The following B3GALT1 variants were observed in gnomAD, a reference collection of about 807,000 sequenced individuals.
B3GALT1 encodes beta-1,3-galactosyltransferase 1, also known as UDP-Gal:betaGlcNAc beta 1,3-galactosyltransferase, polypeptide 1.
Under a neutral mutation model 23.2 loss-of-function variants are expected in B3GALT1, and 10 were observed. That is an observed-to-expected ratio of 0.43 (90% CI 0.27 to 0.73). The LOEUF (loss-of-function observed/expected upper bound fraction) is 0.73, where lower values mean the gene tolerates loss of function less well. B3GALT1 is among the 30% of genes least tolerant of loss of function. The probability of loss-of-function intolerance (pLI) is 0.21; values close to 1 mark genes in which losing one functional copy is unlikely to be tolerated. For synonymous variants in B3GALT1, 156 were observed against 141.5 expected (o/e 1.10, Z -0.73); for missense variants, 299 against 405.4 (o/e 0.74, Z 2.25).
intron 2 of B3GALT1, among the ~76,000 whole-genome samples, chr2:167,556,118 C>A (rs1391792348): frequency 1.3e-5 from 2 of 152,072 alleles, no homozygotes; most frequent in African/African-American, 4.8e-5. Flanking sequence ...TAAAGCATCA[C>A]ATTTTCAATG....
intron 1 of B3GALT1, among the ~76,000 whole-genome samples, chr2:167,475,680 A>G (rs924682916): frequency 4.6e-5 from 7 of 152,104 alleles, no homozygotes; most frequent in African/African-American, 1.7e-4. Flanking sequence ...ATTAAGATCT[A>G]CTGGGGGTCT....
At chr2:167,747,426 G>A (rs1463606846) in intron 3 of B3GALT1, among the ~76,000 whole-genome samples, 1 of 152,108 alleles carries the variant, frequency 6.6e-6, no homozygotes, top group East Asian at 1.9e-4. Flanking sequence ...GCAGAATTAG[G>A]CTGACAGCAA....
chr2:167,420,411 C>T (rs1698528614), intron 1 of B3GALT1, among the ~76,000 whole-genome samples: 1 of 152,144 alleles, frequency 6.6e-6, no homozygotes, highest in African/African-American at 2.4e-5. Flanking sequence ...TAAAAATAAC[C>T]TGGGAGCTCC....
At chr2:167,585,222 C>CTAA (rs1684567388) in intron 2 of B3GALT1, among the ~76,000 whole-genome samples, 1 of 152,268 alleles carries the variant, frequency 6.6e-6, no homozygotes, top group Admixed American at 6.5e-5. Context: ...AGCTAAAAGG[C>CTAA]TAATCAGAGC....
intron 1 of B3GALT1, among the ~76,000 whole-genome samples, chr2:167,344,756 A>C (rs1697203567): frequency 6.6e-6 from 1 of 152,218 alleles, no homozygotes; most frequent in African/African-American, 2.4e-5. Flanking sequence ...TTTACATCTC[A>C]TCCCATTTGG....
chr2:167,441,540 C>T (rs1476403022), intron 1 of B3GALT1, among the ~76,000 whole-genome samples: 2 of 152,128 alleles, frequency 1.3e-5, no homozygotes, highest in Non-Finnish European at 2.9e-5. Context: ...ACCAATGTTA[C>T]ATGATACTCG....
chr2:167,636,536 A>G (rs1226904), intron 2 of B3GALT1, among the ~76,000 whole-genome samples: 135,574 of 152,118 alleles, frequency 0.89, 61,409 homozygotes, highest in Non-Finnish European at 0.97. Flanking sequence ...ACATGCACAC[A>G]TATGTTTATT....
At chr2:167,517,986 C>T (rs1700129539) in intron 2 of B3GALT1, among the ~76,000 whole-genome samples, 1 of 152,004 alleles carries the variant, frequency 6.6e-6, no homozygotes, top group African/African-American at 2.4e-5. Flanking sequence ...TATCCGTGAA[C>T]TCTCCTTGCC....
intron 4 of B3GALT1, among the ~76,000 whole-genome samples, chr2:167,825,405 CAG>C (rs1000350654): frequency 1.1e-4 from 17 of 149,028 alleles, no homozygotes; most frequent in Admixed American, 9.4e-4. Context: ...CAGGGCTCTC[CAG>C]AGAGAAAGAA....
chr2:167,408,455 A>ACCTCTCCTC (rs1698342574), intron 1 of B3GALT1, among the ~76,000 whole-genome samples: 1 of 152,186 alleles, frequency 6.6e-6, no homozygotes, highest in Non-Finnish European at 1.5e-5. Flanking sequence ...AAAGGAGATG[A>ACCTCTCCTC]ACAGGACAAG....
At chr2:167,708,398 C>G (rs1686996508) in intron 3 of B3GALT1, among the ~76,000 whole-genome samples, 1 of 152,194 alleles carries the variant, frequency 6.6e-6, no homozygotes, top group South Asian at 2.1e-4. Context: ...CGGTAGCTCA[C>G]GCCTGTAATC....
chr2:167,816,447 T>A lies in B3GALT1; in HGVS notation c.-351-2225T>A, dbSNP rs77517190. Among the ~76,000 whole-genome samples the A allele has an allele frequency of 9.0e-3, 1,377 of 152,246 alleles. 27 individuals are homozygous for A. The highest frequency in any genetic ancestry group is 0.032 in the African/African-American group (1,315 of 41,550). ...CTATTTACACATTTTCCACACCTTT[T>A]TTTTTTTGGCCCTGGTTTGGTTATT... On this transcript the variant is annotated intron_variant, in intron 3 of 4. Coordinates refer to ENST00000392690, the MANE Select transcript of B3GALT1 (RefSeq NM_020981.4).
intron 2 of B3GALT1, among the ~76,000 whole-genome samples, chr2:167,588,538 C>A (rs13398335): frequency 0.18 from 27,705 of 151,916 alleles, 2,597 homozygotes; most frequent in Non-Finnish European, 0.2. Context: ...CACACTCATA[C>A]GAACAATGGT....
intron 3 of B3GALT1, among the ~76,000 whole-genome samples, chr2:167,667,931 G>A (rs2105479921): frequency 6.6e-6 from 1 of 152,302 alleles, no homozygotes; most frequent in South Asian, 2.1e-4. Context: ...ATCTTCTGAA[G>A]CCTTCTTCTC....
intron 4 of B3GALT1, among the ~76,000 whole-genome samples, chr2:167,827,102 G>T (rs972347989): frequency 6.6e-6 from 1 of 152,078 alleles, no homozygotes; most frequent in Admixed American, 6.5e-5. Flanking sequence ...AACACCAGTG[G>T]GACAGAATGT....
At chr2:167,657,000 G>T (rs1181398699) in intron 3 of B3GALT1, among the ~76,000 whole-genome samples, 2 of 152,054 alleles carry the variant, frequency 1.3e-5, no homozygotes, top group East Asian at 3.9e-4. Flanking sequence ...TCAGGAAAGA[G>T]GCATCCCTGA....
intron 1 of B3GALT1, among the ~76,000 whole-genome samples, chr2:167,487,412 T>TA (rs1361411209): frequency 6.6e-6 from 1 of 152,214 alleles, no homozygotes; most frequent in African/African-American, 2.4e-5. Context: ...TGTTTCCTCT[T>TA]AGAGTATTCT....
In B3GALT1 at chr2:167,384,869, T is replaced by C. The variant is rs60233460; in HGVS notation, c.-511+91535T>C. 9.1e-3 allele frequency among the ~76,000 whole-genome samples: 1,383 copies of C among 152,152 alleles called. 30 individuals are homozygous for C. Among genetic ancestry groups the C allele is most frequent in the African/African-American group, 0.032 (1,319 of 41,506 alleles). On this transcript the variant is annotated intron_variant, in intron 1 of 4. Transcript: ENST00000392690. Reference sequence around the variant, plus strand: ...CAATTTTTCTGGGCTAAAAACCCAATATCCTCCATCTTGTCCCAAAAGTTT... The same window carrying C: ...CAATTTTTCTGGGCTAAAAACCCAACATCCTCCATCTTGTCCCAAAAGTTT...
chr2:167,550,263 T>A (rs1477481611), intron 2 of B3GALT1, among the ~76,000 whole-genome samples: 1 of 152,226 alleles, frequency 6.6e-6, no homozygotes, highest in African/African-American at 2.4e-5. Flanking sequence ...GTACACTTAT[T>A]ATCCTTTAGA....
Sources: gnomAD v4.1 joint callset for allele counts (sites outside exome capture counted in the v4.1 genomes callset) on GRCh38, gnomAD v4.1.1 for gene constraint, MANE v1.5 for transcripts, NCBI Gene and HGNC (gene_info 2026-07-23, HGNC 2026-07-21) for gene names.